The following DHX33 variants were observed in gnomAD, a reference collection of about 807,000 sequenced individuals.
The protein encoded by DHX33 is ATP-dependent RNA helicase DHX33.
DHX33 carries 42 observed loss-of-function variants against 72.5 expected under a neutral mutation model. The ratio of observed to expected loss-of-function variants is 0.58; its 90% CI spans 0.45 to 0.75. The LOEUF (loss-of-function observed/expected upper bound fraction) is 0.75. Ranked by LOEUF, DHX33 falls within the 30% of genes least tolerant of loss-of-function variation. The probability of loss-of-function intolerance (pLI) is 0.00; values close to 1 mark genes in which losing one functional copy is unlikely to be tolerated. For synonymous variants in DHX33, 358 were observed against 366.1 expected (o/e 0.98, Z 0.25); for missense variants, 842 against 917.5 (o/e 0.92, Z 1.06).
chr17:5,455,792 C>A (rs1185889997), intron 5 of DHX33, among the ~76,000 whole-genome samples: 1 of 152,190 alleles, frequency 6.6e-6, no homozygotes, highest in Non-Finnish European at 1.5e-5. Context: ...TCCCTCATCC[C>A]AACAACTGTC....
rs992661237 is a variant in DHX33, at chr17:5,444,687, G to T, written c.1816-174C>A. Among the ~76,000 whole-genome samples, 1 of 152,176 alleles carries T rather than the reference G, an allele frequency of 6.6e-6. No homozygotes were observed. The highest frequency in any genetic ancestry group is 2.4e-5 in the African/African-American group (1 of 41,428). ...TCACCAAGGATCAGCAAGGTCAGGG[G>T]AAGAAGGCCCAGCTGGAGGAGCACG... is the stretch of plus-strand genomic sequence containing the variant. On this transcript the variant is annotated intron_variant, in intron 11 of 11. Coordinates refer to ENST00000225296, the MANE Select transcript of DHX33 (RefSeq NM_020162.4). This position sits in a 1 kb window ranked among gnomAD's most constrained non-coding sequence, Gnocchi z 4.9.
chr17:5,448,916 T>C (rs1413684217), intron 10 of DHX33, 21 bp from the exon 11 acceptor site: 1 of 1,582,186 alleles, frequency 6.3e-7, no homozygotes, highest in African/African-American at 1.3e-5. Context: ...GAAAGAGTGA[T>C]ATCACAATCC....
intron 5 of DHX33, 27 bp from the exon 6 acceptor site, chr17:5,455,298 C>T (rs1268281113): frequency 6.3e-7 from 1 of 1,578,776 alleles, no homozygotes; most frequent in Non-Finnish European, 8.7e-7. Context: ...AACCAAAAAG[C>T]CGCATTGACA....
At position 5,455,181 on chromosome 17, in the gene DHX33, T is replaced by A. The variant is rs1252265882; in HGVS notation, c.1126A>T (p.Lys376Ter). The A allele has an allele frequency of 6.2e-7, 1 of 1,614,136 alleles. No homozygotes were observed. ...TCACCAGGGTTATACTTCTTTGCTT[T>A]AACCATGCCCGTGTCAACTACATAT... ...IKYVVDTGMV[K>*]AKKYNPDSGL... The change falls in exon 6 of 12, where the codon AAA (lysine) becomes TAA (stop). Residue 376 changes from lysine (K) to a stop codon, truncating the protein, a stop_gained. Coordinates refer to ENST00000225296, the MANE Select transcript of DHX33 (RefSeq NM_020162.4). LOFTEE classifies it high-confidence loss of function.
At chr17:5,467,406 A>G (rs891205201) in intron 1 of DHX33, among the ~76,000 whole-genome samples, 1 of 152,174 alleles carries the variant, frequency 6.6e-6, no homozygotes, top group African/African-American at 2.4e-5. Context: ...TTTTATAACT[A>G]TAGGGTCTGG....
intron 4 of DHX33, among the ~76,000 whole-genome samples, chr17:5,458,891 C>T (rs1204596991): frequency 6.6e-6 from 1 of 152,136 alleles, no homozygotes; most frequent in Non-Finnish European, 1.5e-5. Context: ...ATCCCATATG[C>T]ATCACTTATT....
intron 1 of DHX33, among the ~76,000 whole-genome samples, chr17:5,467,202 C>A (rs1411730547): frequency 6.6e-6 from 1 of 152,142 alleles, no homozygotes; most frequent in South Asian, 2.1e-4. Context: ...TAATAATATG[C>A]CTGGAACTAA....
intron 10 of DHX33, among the ~76,000 whole-genome samples, chr17:5,449,521 C>G (rs1426009005): frequency 6.6e-6 from 1 of 152,238 alleles, no homozygotes; most frequent in African/African-American, 2.4e-5. Flanking sequence ...ACTGCAACCT[C>G]TGCCTCCCAG....
rs1293737888 is a variant in DHX33, at chr17:5,462,406, G to A, written c.591C>T (p.His197=). ...GCACATCTGTGTGGATAGTCCGTTCGTGAGCTTCATCCAAAATGACACAGC... is the reference window on the plus strand; with the variant it reads ...GCACATCTGTGTGGATAGTCCGTTCATGAGCTTCATCCAAAATGACACAGC... The part of the protein sequence containing the change: ...KYSCVILDEA[H]ERTIHTDVLF... Residue 197 remains histidine (H), a synonymous_variant, in exon 3 of 12, where the codon CAC becomes CAT. Coordinates refer to ENST00000225296, the MANE Select transcript of DHX33 (RefSeq NM_020162.4). The A allele has an allele frequency of 3.1e-6, 5 of 1,614,190 alleles. No homozygotes were observed. The South Asian group carries it at 3.3e-5, about 11-fold the overall frequency.
intron 1 of DHX33, among the ~76,000 whole-genome samples, chr17:5,466,102 C>G (rs771979386): frequency 6.6e-6 from 1 of 152,164 alleles, no homozygotes; most frequent in Non-Finnish European, 1.5e-5. Context: ...TACAGATGGT[C>G]CCTGTCTTAG....
Position 5,453,951 on chromosome 17 carries a change from G to A in DHX33, c.1177C>T (p.Arg393Trp), listed in dbSNP as rs764514255. Residue 393 changes from arginine to tryptophan, a missense_variant, in exon 7 of 12, where the codon CGG becomes TGG. Coordinates refer to ENST00000225296, the MANE Select transcript of DHX33 (RefSeq NM_020162.4). ...TGCCAAGCCTGCGTCTTCGATACCCGCTGCACTGCTAACACCTCAAGACCA... is the reference window on the plus strand; with the variant it reads ...TGCCAAGCCTGCGTCTTCGATACCCACTGCACTGCTAACACCTCAAGACCA... The part of the protein sequence containing the change: ...DSGLEVLAVQ[R>W]VSKTQAWQRT... 21 of 1,613,782 alleles carry A rather than the reference G, an allele frequency of 1.3e-5. No individual in the cohort carries two copies. In the East Asian group the frequency reaches 1.3e-4, roughly 10 times the overall value.
At chr17:5,463,822 A>C in intron 1 of DHX33, 133 bp from the exon 2 acceptor site, 1 of 802,768 alleles carries the variant, frequency 1.2e-6, no homozygotes, top group Non-Finnish European at 1.9e-6. Context: ...GGAGTTCAAA[A>C]TCAGCCTGGG....
chr17:5,468,829 T>C lies in DHX33; in HGVS notation c.31A>G (p.Lys11Glu). The change falls in exon 1 of 12, where the codon AAG becomes GAG. Residue 11 changes from lysine to glutamate, a missense_variant. Physicochemically the swap from Lys to Glu is moderately conservative, Grantham distance 56. Coordinates refer to ENST00000225296, the MANE Select transcript of DHX33 (RefSeq NM_020162.4). ...GGTCCAGAGCCTGGCCGGAATCTCT[T>C]GGCCGGCGGGAAGCCCGCCTCCTCC... Reference protein sequence around the residue: MPEEAGFPPAKRFRPGSGPPS... With the variant: MPEEAGFPPAERFRPGSGPPS... 6.4e-7 allele frequency: 1 copy of C among 1,570,976 alleles called. No homozygotes were observed. Among genetic ancestry groups the C allele is most frequent in the South Asian group, 1.2e-5 (1 of 86,292 alleles).
chr17:5,467,485 C>T lies in DHX33; in HGVS notation c.289+1086G>A, dbSNP rs145940611. The stretch of plus-strand genomic sequence containing the variant: ...TCAAAAGTTCACCTTAATAAAAAAC[C>T]GCCTAAATCCAAAAGGTATCAGCCT... On this transcript the variant is annotated intron_variant, in intron 1 of 11. Transcript: ENST00000225296. Among the ~76,000 whole-genome samples the T allele has an allele frequency of 5.3e-5, 8 of 152,246 alleles. No individual in the cohort carries two copies. The South Asian group carries it at 1.2e-3, about 24-fold the overall frequency.
In DHX33 at chr17:5,456,212, G is replaced by C. The variant is rs201692112; in HGVS notation, c.850-30C>G. ...AAAAAAAGTAGAGTGGGTTTACTAG[G>C]CATTGATAGAATTGCAGCTTGCACA... On this transcript the variant is annotated intron_variant, in intron 4 of 11. Coordinates refer to ENST00000225296, the MANE Select transcript of DHX33 (RefSeq NM_020162.4). 13 of 1,605,990 alleles carry C rather than the reference G, an allele frequency of 8.1e-6. No individual in the cohort carries two copies. The East Asian group carries it at 2.5e-4, about 30-fold the overall frequency.
At position 5,442,946 on chromosome 17, in the gene DHX33, G is replaced by A. The variant is rs1048177770; in HGVS notation, c.*1259C>T. The A allele has an allele frequency of 6.6e-6, 1 of 152,170 alleles. No homozygotes were observed. Among genetic ancestry groups the A allele is most frequent in the South Asian group, 2.1e-4 (1 of 4,822 alleles). The allele number at this position is 152,170 out of a possible 1,614,324, so 9.4% of individuals were successfully genotyped here. ...TCCTCCAATTCCCTCTGACAATGAG[G>A]GTTAGAGAGAGGTGCCTAGCAGTTA... On this transcript the variant is annotated 3_prime_UTR_variant, in exon 12 of 12. Coordinates refer to ENST00000225296, the MANE Select transcript of DHX33 (RefSeq NM_020162.4).
At chr17:5,459,307 A>C (rs986386047) in intron 4 of DHX33, among the ~76,000 whole-genome samples, 1 of 152,228 alleles carries the variant, frequency 6.6e-6, no homozygotes, top group Non-Finnish European at 1.5e-5. Flanking sequence ...AAATTAAACA[A>C]AAGTGACTTA....
chr17:5,466,249 G>GATATAATCTATTTA (rs1429951732), intron 1 of DHX33, among the ~76,000 whole-genome samples: 1 of 152,160 alleles, frequency 6.6e-6, no homozygotes, highest in Non-Finnish European at 1.5e-5. Flanking sequence ...TTATAAAATA[G>GATATAATCTATTTA]GTTTCATGTT....
At chr17:5,459,638 G>A (rs1224179803) in intron 4 of DHX33, among the ~76,000 whole-genome samples, 1 of 151,826 alleles carries the variant, frequency 6.6e-6, no homozygotes, top group South Asian at 2.1e-4. Flanking sequence ...TATGTTGCCC[G>A]GGCTGGTCTC....
Sources: gnomAD v4.1 joint callset for allele counts (sites outside exome capture counted in the v4.1 genomes callset) on GRCh38, gnomAD v4.1.1 for gene constraint, Gnocchi (gnomAD v3.1) non-coding constraint, MANE v1.5 for transcripts, NCBI Gene and HGNC (gene_info 2026-07-23, HGNC 2026-07-21) for gene names.